IL1RAPL2: variants seen among roughly 807,000 people sequenced by gnomAD.
The protein encoded by IL1RAPL2 is interleukin 1 receptor accessory protein like 2, also known as X-linked interleukin-1 receptor accessory protein-like 2.
IL1RAPL2 carries 3 observed loss-of-function variants against 44.1 expected under a neutral mutation model. The ratio of observed to expected loss-of-function variants is 0.07; its 90% CI spans 0.03 to 0.18. The LOEUF (loss-of-function observed/expected upper bound fraction) is 0.18. Among genes scored for constraint, IL1RAPL2 ranks in the 10% least tolerant of loss-of-function variants. The pLI is 1.00. For synonymous variants in IL1RAPL2, 181 were observed against 178.8 expected (o/e 1.01, Z -0.10); for missense variants, 391 against 496.4 (o/e 0.79, Z 2.02).
chrX:105,287,024 G>C (rs908989807), intron 5 of IL1RAPL2, among the ~76,000 whole-genome samples: 1 of 111,918 alleles, frequency 8.9e-6, no homozygotes, highest in Non-Finnish European at 1.9e-5. Context: ...AGAAAATCAC[G>C]CACAGTTCTT....
chrX:105,714,832 A>G (rs751219096), intron 6 of IL1RAPL2, among the ~76,000 whole-genome samples: 1 of 112,322 alleles, frequency 8.9e-6, no homozygotes, highest in East Asian at 2.8e-4. Flanking sequence ...CATGCCTCAT[A>G]TACAAGTTAT....
At chrX:104,913,420 A>AT (rs1288963991) in intron 2 of IL1RAPL2, among the ~76,000 whole-genome samples, 2 of 111,539 alleles carry the variant, frequency 1.8e-5, no homozygotes, top group African/African-American at 6.5e-5. Context: ...TCTTCATGGT[A>AT]TATCACTTCA....
chrX:104,632,358 GT>G (rs1929671076), intron 1 of IL1RAPL2, among the ~76,000 whole-genome samples: 2 of 111,595 alleles, frequency 1.8e-5, no homozygotes, highest in Admixed American at 1.9e-4. Context: ...CTTTAAAGTA[GT>G]TTTTTCCAAT....
intron 6 of IL1RAPL2, among the ~76,000 whole-genome samples, chrX:105,490,310 G>A (rs1032543301): frequency 8.9e-6 from 1 of 112,139 alleles, no homozygotes; most frequent in African/African-American, 3.2e-5. Flanking sequence ...TACTTTTGAT[G>A]TTTCAAAAAG....
At chrX:105,065,949 C>T (rs764180452) in intron 2 of IL1RAPL2, among the ~76,000 whole-genome samples, 55 of 111,010 alleles carry the variant, frequency 5.0e-4, no homozygotes, top group African/African-American at 1.7e-3. Context: ...GAGGGGGATT[C>T]TTGAAGTGGT....
intron 7 of IL1RAPL2, among the ~76,000 whole-genome samples, chrX:105,738,663 G>A (rs746985948): frequency 9.0e-6 from 1 of 111,551 alleles, no homozygotes; most frequent in South Asian, 3.7e-4. Flanking sequence ...GCAAGAGAAA[G>A]AAAAGAGAAG....
intron 1 of IL1RAPL2, among the ~76,000 whole-genome samples, chrX:104,575,263 T>C (rs1928222947): frequency 9.0e-6 from 1 of 111,351 alleles, no homozygotes; most frequent in Non-Finnish European, 1.9e-5. Context: ...CATATAATAA[T>C]AAAGATAAAT....
At chrX:105,489,788 TCTC>T in intron 6 of IL1RAPL2, among the ~76,000 whole-genome samples, 1 of 7,136 alleles carries the variant, frequency 1.4e-4, no homozygotes, top group African/African-American at 1.7e-3. Context: ...TTTCTCTCTT[TCTC>T]TCTCTCTCTC....
intron 2 of IL1RAPL2, among the ~76,000 whole-genome samples, chrX:105,001,887 G>A (rs1283034138): frequency 9.0e-6 from 1 of 111,270 alleles, no homozygotes; most frequent in African/African-American, 3.3e-5. Flanking sequence ...GCTCAGGTTT[G>A]CATATCAAAA....
At chrX:105,583,244 C>T (rs1011849357) in intron 6 of IL1RAPL2, among the ~76,000 whole-genome samples, 2 of 108,136 alleles carry the variant, frequency 1.8e-5, no homozygotes, top group Non-Finnish European at 3.8e-5. Context: ...AAGCGATTCT[C>T]CTGCCTCAGC....
At chrX:105,406,903 G>A (rs1384804732) in intron 5 of IL1RAPL2, 5 of 1,141,150 alleles carry the variant, frequency 4.4e-6, no homozygotes, top group Non-Finnish European at 6.0e-6. Flanking sequence ...CCTCAGAGGA[G>A]CAACTCTGGC....
At chrX:104,707,409 T>A (rs1263176922) in intron 2 of IL1RAPL2, among the ~76,000 whole-genome samples, 1 of 111,199 alleles carries the variant, frequency 9.0e-6, no homozygotes, top group Non-Finnish European at 1.9e-5. Context: ...TATGAAAGAG[T>A]TCCAACAGTA....
Position 105,039,803 on chromosome X carries a change from A to C in IL1RAPL2, c.83-155672A>C, listed in dbSNP as rs2031692193. ...GGGCTGAGACGATGGGGTTTTCCAGATATACAATCATGTCATCTGCAAACA... is the reference window on the plus strand; with the variant it reads ...GGGCTGAGACGATGGGGTTTTCCAGCTATACAATCATGTCATCTGCAAACA... On this transcript the variant is annotated intron_variant, in intron 2 of 10. Transcript: ENST00000372582. Among the ~76,000 whole-genome samples, 3 of 111,562 alleles carry C rather than the reference A, an allele frequency of 2.7e-5. No homozygotes were observed. In the South Asian group the frequency reaches 1.1e-3, roughly 42 times the overall value.
chrX:105,497,643 A>T (rs1389340429), intron 6 of IL1RAPL2, among the ~76,000 whole-genome samples: 2 of 111,748 alleles, frequency 1.8e-5, no homozygotes, highest in Non-Finnish European at 3.8e-5. Context: ...ACAGGCTAAT[A>T]ACTCTGATCA....
chrX:104,814,689 C>G (rs939751715), intron 2 of IL1RAPL2, among the ~76,000 whole-genome samples: 8 of 112,028 alleles, frequency 7.1e-5, no homozygotes, highest in Non-Finnish European at 5.6e-5. Context: ...ACTGGTAGAC[C>G]TGTATGGAGG....
intron 2 of IL1RAPL2, among the ~76,000 whole-genome samples, chrX:105,009,078 G>C (rs186749630): frequency 0.017 from 1,910 of 111,144 alleles, 45 homozygotes; most frequent in African/African-American, 0.059. Flanking sequence ...AGAATGGCGA[G>C]TATTAAAAAG....
At chrX:104,695,583 A>AGCTATATCC (rs758347013) in intron 2 of IL1RAPL2, among the ~76,000 whole-genome samples, 47,784 of 109,088 alleles carry the variant, frequency 0.44, 8,700 homozygotes, top group South Asian at 0.64. Context: ...TCAGAACCAT[A>AGCTATATCC]ACATGAGTAG....
intron 3 of IL1RAPL2, among the ~76,000 whole-genome samples, chrX:105,224,418 CA>C (rs1304803997): frequency 1.8e-5 from 2 of 111,121 alleles, no homozygotes; most frequent in Non-Finnish European, 1.9e-5. Context: ...GATAGGAGAT[CA>C]CAGAATGAAA....
intron 2 of IL1RAPL2, among the ~76,000 whole-genome samples, chrX:104,992,469 T>C (rs943336715): frequency 2.7e-5 from 3 of 111,488 alleles, no homozygotes; most frequent in Admixed American, 1.9e-4. Context: ...CAGGATGTGA[T>C]GGTTGAAGGA....
Sources: allele counts gnomAD v4.1 joint callset (sites outside exome capture counted in the v4.1 genomes callset), GRCh38; gene constraint gnomAD v4.1.1; transcripts MANE v1.5; gene names NCBI Gene and HGNC (gene_info 2026-07-23, HGNC 2026-07-21).